The following HTR2C variants were observed in gnomAD, a reference collection of about 807,000 sequenced individuals.
HTR2C encodes 5-hydroxytryptamine (serotonin) receptor 2C, G protein-coupled.
HTR2C carries 5 observed loss-of-function variants against 21.0 expected under a neutral mutation model. The observed-to-expected ratio is 0.24, with a 90% confidence interval of 0.12 to 0.50. The LOEUF is 0.50. Ranked by LOEUF, HTR2C falls within the 20% of genes least tolerant of loss-of-function variation. The pLI is 0.98. For synonymous variants in HTR2C, 150 were observed against 145.3 expected (o/e 1.03, Z -0.23); for missense variants, 271 against 371.2 (o/e 0.73, Z 2.22).
intron 2 of HTR2C, among the ~76,000 whole-genome samples, chrX:114,718,638 A>G (rs933101503): frequency 9.0e-6 from 1 of 111,004 alleles, no homozygotes; most frequent in South Asian, 3.7e-4. Flanking sequence ...ATGTCTGAAG[A>G]TTTTACAGTG....
rs181760798 is a variant in HTR2C, at chrX:114,854,509, A to T, written c.550+6306A>T. On this transcript the variant is annotated intron_variant, in intron 5 of 5. Coordinates refer to ENST00000276198, the MANE Select transcript of HTR2C (RefSeq NM_000868.4). ...AGCCTGGGCTTTTAGTGTAACCATG[A>T]CTCGGTAACGTACAATGTACCCATT... Among the ~76,000 whole-genome samples the T allele has an allele frequency of 2.8e-3, 315 of 110,724 alleles. 1 individual carries two copies. The highest frequency in any genetic ancestry group is 8.6e-3 in the African/African-American group (264 of 30,529).
At chrX:114,592,190 C>T (rs782526688) in intron 1 of HTR2C, among the ~76,000 whole-genome samples, 1 of 112,352 alleles carries the variant, frequency 8.9e-6, no homozygotes, top group African/African-American at 3.2e-5. Flanking sequence ...AGAAAACTCC[C>T]ACAAATTTTA....
At chrX:114,627,036 A>T (rs1556403021) in intron 2 of HTR2C, among the ~76,000 whole-genome samples, 1 of 112,047 alleles carries the variant, frequency 8.9e-6, no homozygotes, top group East Asian at 2.8e-4. Context: ...AAAATTATAT[A>T]AATCCAAGAT....
At chrX:114,806,944 C>CCA (rs1384990292) in intron 4 of HTR2C, among the ~76,000 whole-genome samples, 9 of 89,252 alleles carry the variant, frequency 1.0e-4, no homozygotes, top group Non-Finnish European at 2.0e-4. Context: ...TATGTATATA[C>CCA]CATATATACC....
chrX:114,683,512 C>T (rs1931816478), intron 2 of HTR2C, among the ~76,000 whole-genome samples: 1 of 111,409 alleles, frequency 9.0e-6, no homozygotes, highest in African/African-American at 3.3e-5. Context: ...TGGCCAGGCA[C>T]AGTGGCTCAC....
intron 4 of HTR2C, among the ~76,000 whole-genome samples, chrX:114,747,032 G>A (rs2069712808): frequency 9.0e-6 from 1 of 111,116 alleles, no homozygotes; most frequent in African/African-American, 3.3e-5. Context: ...AAATTAGCCA[G>A]GCATGGTGGT....
At chrX:114,658,916 G>T (rs184477226) in intron 2 of HTR2C, among the ~76,000 whole-genome samples, 1 of 111,296 alleles carries the variant, frequency 9.0e-6, no homozygotes, top group Non-Finnish European at 1.9e-5. Flanking sequence ...TTATCTATTT[G>T]GTTACTGTAT....
At chrX:114,812,990 T>C (rs1436365682) in intron 4 of HTR2C, among the ~76,000 whole-genome samples, 1 of 111,685 alleles carries the variant, frequency 9.0e-6, no homozygotes, top group Non-Finnish European at 1.9e-5. Context: ...TTACGATTAA[T>C]TTTTAAAAAT....
chrX:114,854,329 A>G (rs1165619707), intron 5 of HTR2C, among the ~76,000 whole-genome samples: 2 of 111,719 alleles, frequency 1.8e-5, no homozygotes, highest in Non-Finnish European at 3.8e-5. Context: ...ATTACATGTT[A>G]ACATAAATAA....
chrX:114,742,489 A>G (rs2069658186), intron 4 of HTR2C, among the ~76,000 whole-genome samples: 2 of 111,202 alleles, frequency 1.8e-5, no homozygotes, highest in African/African-American at 6.5e-5. Context: ...TCTGAATTTA[A>G]CTGGGTTTTC....
intron 4 of HTR2C, among the ~76,000 whole-genome samples, chrX:114,795,180 G>A (rs1285719313): frequency 9.0e-6 from 1 of 110,749 alleles, no homozygotes; most frequent in African/African-American, 3.3e-5. Flanking sequence ...GTCTTCTTTT[G>A]TGAAGTGTCT....
At chrX:114,587,023 G>C (rs1927429050) in intron 1 of HTR2C, among the ~76,000 whole-genome samples, 1 of 110,994 alleles carries the variant, frequency 9.0e-6, no homozygotes, top group African/African-American at 3.3e-5. Flanking sequence ...CATTCTAATA[G>C]ATTCATCCAA....
intron 5 of HTR2C, among the ~76,000 whole-genome samples, chrX:114,850,795 A>G (rs1556469016): frequency 8.9e-6 from 1 of 111,826 alleles, no homozygotes; most frequent in East Asian, 2.8e-4. Context: ...ATGAATTACT[A>G]AGGATTCTAA....
Position 114,638,518 on chromosome X carries a change from T to TATTTATTA in HTR2C, c.-80+24640_-80+24641insTATTAATT, listed in dbSNP as rs1402202371. The stretch of plus-strand genomic sequence containing the variant: ...TAATACGTTTATTTATTTATTTATT[T>TATTTATTA]ATTATTTTTTTCTTTTATTATTATA... On this transcript the variant is annotated intron_variant, in intron 2 of 5. Coordinates refer to ENST00000276198, the MANE Select transcript of HTR2C (RefSeq NM_000868.4). Among the ~76,000 whole-genome samples, 3 of 109,216 alleles carry TATTTATTA rather than the reference T, an allele frequency of 2.7e-5. 1 individual carries two copies. The highest frequency in any genetic ancestry group is 1.0e-4 in the African/African-American group (3 of 29,979). The allele number at this position is 109,216 out of a possible 115,157, so 94.8% of individuals were successfully genotyped here. A position where few individuals can be genotyped will look rare whatever the true frequency, so the allele number is the denominator to read the frequency against.
intron 2 of HTR2C, among the ~76,000 whole-genome samples, chrX:114,682,809 C>G (rs1459548519): frequency 9.0e-6 from 1 of 111,605 alleles, no homozygotes; most frequent in Non-Finnish European, 1.9e-5. Context: ...TAGGCTTCAT[C>G]TTACATTTCT....
intron 5 of HTR2C, chrX:114,900,421 C>G: frequency 4.1e-6 from 1 of 243,389 alleles, no homozygotes; most frequent in Non-Finnish European, 7.8e-6. Context: ...TTGTCCCTTG[C>G]TTTGATGACA....
chrX:114,826,075 CA>C (rs1442616619), intron 4 of HTR2C, among the ~76,000 whole-genome samples: 2 of 56,512 alleles, frequency 3.5e-5, no homozygotes, highest in Admixed American at 3.1e-4. Context: ...AATCCAAAAT[CA>C]AAAACTTTTT....
intron 4 of HTR2C, among the ~76,000 whole-genome samples, chrX:114,755,921 G>A: frequency 9.1e-6 from 1 of 110,278 alleles, no homozygotes; most frequent in Non-Finnish European, 1.9e-5. Flanking sequence ...GACAGCCTGG[G>A]CAACATTGCA....
intron 2 of HTR2C, among the ~76,000 whole-genome samples, chrX:114,646,803 C>T (rs1315992251): frequency 8.9e-6 from 1 of 112,279 alleles, no homozygotes; most frequent in East Asian, 2.8e-4. Context: ...GTCTTACATG[C>T]AAGTCTTTAA....
Sources: allele counts gnomAD v4.1 joint callset (sites outside exome capture counted in the v4.1 genomes callset), GRCh38; gene constraint gnomAD v4.1.1; transcripts MANE v1.5; gene names NCBI Gene and HGNC (gene_info 2026-07-23, HGNC 2026-07-21).